TRPS1: variants seen among roughly 807,000 people sequenced by gnomAD.
TRPS1 encodes transcriptional repressor GATA binding 1.
Under a neutral mutation model 101.2 loss-of-function variants are expected in TRPS1, and 6 were observed. The observed-to-expected ratio is 0.06, with a 90% CI of 0.03 to 0.12. The LOEUF is 0.12. Ranked by LOEUF, TRPS1 falls within the 10% of genes least tolerant of loss-of-function variation. The probability of loss-of-function intolerance (pLI) is 1.00; values close to 1 mark genes in which losing one functional copy is unlikely to be tolerated. For synonymous variants in TRPS1, 578 were observed against 589.8 expected (o/e 0.98, Z 0.29); for missense variants, 1,363 against 1,567.0 (o/e 0.87, Z 2.20).
chr8:115,441,729 T>C (rs550660552), intron 5 of TRPS1, among the ~76,000 whole-genome samples: 2 of 152,342 alleles, frequency 1.3e-5, no homozygotes, highest in Admixed American at 6.5e-5. Context: ...CAAAAAGTAA[T>C]GTGGAAACTT....
chr8:115,504,397 G>A (rs1815391540), intron 5 of TRPS1, among the ~76,000 whole-genome samples: 1 of 152,134 alleles, frequency 6.6e-6, no homozygotes, highest in African/African-American at 2.4e-5. Flanking sequence ...AAGACCAGGA[G>A]CTGTGATTCT....
intron 4 of TRPS1, among the ~76,000 whole-genome samples, chr8:115,599,405 G>T (rs7834300): frequency 4.0e-5 from 6 of 151,738 alleles, no homozygotes; most frequent in Admixed American, 3.9e-4. Flanking sequence ...CATGTGCCAT[G>T]GTGGTTTGCT....
intron 5 of TRPS1, among the ~76,000 whole-genome samples, chr8:115,578,153 A>T (rs558735565): frequency 6.6e-6 from 1 of 152,312 alleles, no homozygotes; most frequent in East Asian, 1.9e-4. Context: ...CATGTACTGT[A>T]TTCCATATAT....
intron 4 of TRPS1, among the ~76,000 whole-genome samples, chr8:115,597,512 TG>T (rs1817814153): frequency 6.6e-6 from 1 of 152,120 alleles, no homozygotes; most frequent in African/African-American, 2.4e-5. Context: ...CTGCTCTATA[TG>T]TGCTTCAAAA....
intron 5 of TRPS1, among the ~76,000 whole-genome samples, chr8:115,488,814 A>T (rs1441030050): frequency 1.3e-5 from 2 of 152,228 alleles, no homozygotes; most frequent in Admixed American, 1.3e-4. Context: ...CAGATATATA[A>T]GGATAAAATA....
chr8:115,619,977 T>G lies in TRPS1; in HGVS notation c.121A>C (p.Ser41Arg). Residue 41 changes from serine to arginine, a missense_variant, in exon 3 of 7, where the codon AGC becomes CGC. Physicochemically the swap from Ser to Arg is moderately radical, Grantham distance 110. Transcript: ENST00000395715. ...TCTTTGTTCTTTCCAGATACCTTGC[T>G]TTCTGTACCTATAGGCTCCAGGATC... ...GQILEPIGTE[S>R]KVSGKNKEFS... The G allele has an allele frequency of 6.2e-7, 1 of 1,614,210 alleles. No individual in the cohort carries two copies. The highest frequency in any genetic ancestry group is 8.5e-7 in the Non-Finnish European group (1 of 1,180,040).
At chr8:115,477,447 T>C (rs1814635388) in intron 5 of TRPS1, among the ~76,000 whole-genome samples, 1 of 152,230 alleles carries the variant, frequency 6.6e-6, no homozygotes, top group Non-Finnish European at 1.5e-5. Flanking sequence ...ATCTTTACCT[T>C]CTACCACAGC....
chr8:115,603,164 T>C (rs1817947713), intron 4 of TRPS1, among the ~76,000 whole-genome samples: 1 of 152,162 alleles, frequency 6.6e-6, no homozygotes, highest in East Asian at 1.9e-4. Context: ...TATGCTTATC[T>C]CTAGATATTA....
intron 5 of TRPS1, among the ~76,000 whole-genome samples, chr8:115,568,084 T>G (rs1341031328): frequency 6.6e-6 from 1 of 152,096 alleles, no homozygotes; most frequent in Non-Finnish European, 1.5e-5. Context: ...ACTGAGATGA[T>G]GACTGTGACT....
intron 5 of TRPS1, among the ~76,000 whole-genome samples, chr8:115,441,620 GTT>G (rs1381352885): frequency 6.6e-6 from 1 of 151,970 alleles, no homozygotes; most frequent in East Asian, 1.9e-4. Context: ...ATCATGCTTA[GTT>G]TAGGTGTTCA....
At chr8:115,490,397 C>T (rs1275776910) in intron 5 of TRPS1, among the ~76,000 whole-genome samples, 1 of 151,970 alleles carries the variant, frequency 6.6e-6, no homozygotes, top group East Asian at 1.9e-4. Context: ...TAATCCACAC[C>T]TTAAAATCCA....
At chr8:115,624,058 C>A (rs1818454427) in intron 1 of TRPS1, among the ~76,000 whole-genome samples, 1 of 152,034 alleles carries the variant, frequency 6.6e-6, no homozygotes, top group African/African-American at 2.4e-5. Flanking sequence ...TACTTAACTA[C>A]ATTGGGGTGG....
intron 5 of TRPS1, among the ~76,000 whole-genome samples, chr8:115,542,920 G>T (rs1179721138): frequency 6.6e-6 from 1 of 152,142 alleles, no homozygotes. Flanking sequence ...ACAAGCTTAA[G>T]CTTTCTCCTT....
chr8:115,440,325 T>A (rs1051326568), intron 5 of TRPS1, among the ~76,000 whole-genome samples: 1 of 152,144 alleles, frequency 6.6e-6, no homozygotes, highest in Non-Finnish European at 1.5e-5. Context: ...CTCACGCCAA[T>A]AGGAAGACCG....
intron 5 of TRPS1, among the ~76,000 whole-genome samples, chr8:115,539,205 T>C (rs1816394003): frequency 1.3e-5 from 2 of 152,178 alleles, no homozygotes. Context: ...AGGAGACCTA[T>C]CAGTAAAGAC....
At chr8:115,486,398 T>C (rs771866611) in intron 5 of TRPS1, among the ~76,000 whole-genome samples, 1 of 152,200 alleles carries the variant, frequency 6.6e-6, no homozygotes, top group Non-Finnish European at 1.5e-5. Context: ...GGCCAACTAA[T>C]ATCCCTACAG....
Position 115,414,637 on chromosome 8 carries a change from G to T in TRPS1, c.3271C>A (p.Pro1091Thr). Reference protein sequence around the residue: ...IEKYMRPAKHPNYSPPGSPIE... With the variant: ...IEKYMRPAKHTNYSPPGSPIE... ...GGGCTGCCTGGTGGTGAATAATTTG[G>T]GTGTTTCGCAGGTCTCATGTACTTT... The change falls in exon 7 of 7, where the codon CCA becomes ACA. Residue 1091 changes from proline to threonine, a missense_variant. This residue lies in a region of TRPS1 where 307 missense variants were observed against 392.4 expected (regional missense o/e 0.78). Coordinates refer to ENST00000395715, the MANE Select transcript of TRPS1 (RefSeq NM_014112.5). This position sits in a 1 kb window ranked among gnomAD's most constrained non-coding sequence, Gnocchi z 4.8. The T allele has an allele frequency of 6.2e-7, 1 of 1,613,950 alleles. No individual in the cohort carries two copies. The highest frequency in any genetic ancestry group is 8.5e-7 in the Non-Finnish European group (1 of 1,179,934).
At chr8:115,545,424 CTCTCTA>C (rs1816547477) in intron 5 of TRPS1, among the ~76,000 whole-genome samples, 1 of 152,126 alleles carries the variant, frequency 6.6e-6, no homozygotes, top group African/African-American at 2.4e-5. Context: ...CTTAAATATT[CTCTCTA>C]ATTCCTATCT....
At chr8:115,620,195 A>C (rs1420215931) in intron 2 of TRPS1, 135 bp from the exon 3 acceptor site, 8 of 675,136 alleles carry the variant, frequency 1.2e-5, no homozygotes, top group East Asian at 3.3e-5. Flanking sequence ...AAAAAAAAAA[A>C]CCCATTCTAA....
Sources: gnomAD v4.1 joint callset for allele counts (sites outside exome capture counted in the v4.1 genomes callset) on GRCh38, gnomAD v4.1.1 for gene constraint, gnomAD v4.1.1 regional missense constraint, Gnocchi (gnomAD v3.1) non-coding constraint, MANE v1.5 for transcripts, NCBI Gene and HGNC (gene_info 2026-07-23, HGNC 2026-07-21) for gene names.